DLG2: variants seen among roughly 807,000 people sequenced by gnomAD.
DLG2 encodes discs large MAGUK scaffold protein 2, also known as disks large homolog 2.
Under a neutral mutation model 132.5 loss-of-function variants are expected in DLG2, and 45 were observed. The observed-to-expected ratio is 0.34, with a 90% CI of 0.27 to 0.44. DLG2 has a LOEUF of 0.44. DLG2 is among the 20% of genes least tolerant of loss of function. DLG2 has a pLI of 1.00. For synonymous variants in DLG2, 424 were observed against 419.6 expected (o/e 1.01, Z -0.13); for missense variants, 1,045 against 1,196.9 (o/e 0.87, Z 1.87).
At chr11:85,505,056 T>C (rs1205606192) in intron 3 of DLG2, among the ~76,000 whole-genome samples, 4 of 151,740 alleles carry the variant, frequency 2.6e-5, no homozygotes, top group East Asian at 1.9e-4. Flanking sequence ...CTTGTGATTT[T>C]TGCACATTGA....
In DLG2 at chr11:84,736,009, A is replaced by T. The variant is rs1596904303; in HGVS notation, c.358-201278T>A. 2.0e-5 allele frequency among the ~76,000 whole-genome samples: 3 copies of T among 151,800 alleles called. No individual in the cohort carries two copies. In the East Asian group the frequency reaches 5.8e-4, roughly 29 times the overall value. ...AAGGTCACAAAGATGTTCTTCTCTT[A>T]TTTCTTCTAGAGGTTTTGTAGTTTT... is the stretch of plus-strand genomic sequence containing the variant. On this transcript the variant is annotated intron_variant, in intron 6 of 27. Coordinates refer to ENST00000376104, the MANE Select transcript of DLG2 (RefSeq NM_001142699.3).
chr11:84,730,093 T>C (rs990265149), intron 6 of DLG2, among the ~76,000 whole-genome samples: 3 of 152,038 alleles, frequency 2.0e-5, no homozygotes, highest in Admixed American at 6.6e-5. Context: ...ATATTCTTAG[T>C]GGCAAAATTC....
chr11:84,080,586 C>A lies in DLG2; in HGVS notation c.749+18337G>T, dbSNP rs537325137. Among the ~76,000 whole-genome samples the A allele has an allele frequency of 2.0e-5, 3 of 152,216 alleles. No individual in the cohort carries two copies. The East Asian group carries it at 5.8e-4, about 29-fold the overall frequency. ...ATGATGATGTATATTATTATGTATA[C>A]CTGGACTAATGACTATCAAATAGAT... is the stretch of plus-strand genomic sequence containing the variant. On this transcript the variant is annotated intron_variant, in intron 10 of 27. Coordinates refer to ENST00000376104, the MANE Select transcript of DLG2 (RefSeq NM_001142699.3).
chr11:84,566,169 G>A (rs2154526988), intron 6 of DLG2, among the ~76,000 whole-genome samples: 1 of 151,926 alleles, frequency 6.6e-6, no homozygotes, highest in South Asian at 2.1e-4. Flanking sequence ...CACCATGTTG[G>A]CCAGGCTGGT....
chr11:84,721,637 G>A (rs1179998018), intron 6 of DLG2, among the ~76,000 whole-genome samples: 1 of 152,186 alleles, frequency 6.6e-6, no homozygotes, highest in Non-Finnish European at 1.5e-5. Context: ...AAGGGTGTGG[G>A]GGTAGGAAGT....
chr11:84,678,041 T>A (rs1281408875), intron 6 of DLG2, among the ~76,000 whole-genome samples: 1 of 151,888 alleles, frequency 6.6e-6, no homozygotes, highest in Non-Finnish European at 1.5e-5. Flanking sequence ...AATTAATGAG[T>A]TTCAAAAGCT....
intron 5 of DLG2, among the ~76,000 whole-genome samples, chr11:85,124,631 C>T (rs1295521045): frequency 2.0e-5 from 3 of 152,162 alleles, no homozygotes; most frequent in African/African-American, 7.2e-5. Context: ...CACATATTCT[C>T]AGATTGCCTT....
At position 83,493,336 on chromosome 11, in the gene DLG2, T is replaced by TTTCCTTCCTTCCTTCC. The variant is rs201830272; in HGVS notation, c.2194-9124_2194-9109dup. On this transcript the variant is annotated intron_variant, in intron 21 of 27. Transcript: ENST00000376104. ...TTTGCCTTCCTTTGTCTTTTCTTTC[T>TTTCCTTCCTTCCTTCC]TTCCTTCCTTCCTTCCTTCCTTCCT... Among the ~76,000 whole-genome samples the TTTCCTTCCTTCCTTCC allele has an allele frequency of 6.8e-3, 903 of 132,106 alleles. 5 individuals are homozygous for TTTCCTTCCTTCCTTCC. The highest frequency in any genetic ancestry group is 0.011 in the Middle Eastern group (3 of 274). 86.7% of individuals were successfully genotyped at this position (132,106 alleles called of 152,430 possible).
chr11:85,611,432 G>A (rs904115505), intron 2 of DLG2, among the ~76,000 whole-genome samples: 2 of 152,196 alleles, frequency 1.3e-5, no homozygotes, highest in Non-Finnish European at 2.9e-5. Flanking sequence ...AGAGGATGGG[G>A]AACCAATCAG....
At chr11:83,646,621 G>C (rs1418270392) in intron 18 of DLG2, 1 of 152,228 alleles carries the variant, frequency 6.6e-6, no homozygotes, top group African/African-American at 2.4e-5. Context: ...ATCTTTTCTG[G>C]TTCCTTCGCT....
intron 16 of DLG2, among the ~76,000 whole-genome samples, chr11:83,847,118 A>C (rs2058784084): frequency 1.3e-5 from 2 of 152,130 alleles, no homozygotes; most frequent in Admixed American, 1.3e-4. Context: ...GTTTTTTGAT[A>C]ATTATAACAG....
chr11:83,549,853 A>G (rs1317854329), intron 19 of DLG2, among the ~76,000 whole-genome samples: 2 of 152,202 alleles, frequency 1.3e-5, no homozygotes, highest in Non-Finnish European at 2.9e-5. Flanking sequence ...TGGCTTCAAC[A>G]TAATTCACTA....
chr11:85,209,100 T>C (rs2082085523), intron 4 of DLG2, among the ~76,000 whole-genome samples: 1 of 152,116 alleles, frequency 6.6e-6, no homozygotes. Flanking sequence ...TGCCACTAAC[T>C]AGCTCTATGA....
chr11:85,526,619 G>C lies in DLG2; in HGVS notation c.40+72038C>G, dbSNP rs118034875. Among the ~76,000 whole-genome samples the C allele has an allele frequency of 7.5e-3, 1,137 of 152,272 alleles. 4 individuals are homozygous for C. The highest frequency in any genetic ancestry group is 0.021 in the South Asian group (99 of 4,826). ...AGCATTAGAACTGGTAACTACATGA[G>C]AATAATAGTTAATTTTATGTGTCAA... is the stretch of plus-strand genomic sequence containing the variant. On this transcript the variant is annotated intron_variant, in intron 3 of 27. Transcript: ENST00000376104.
chr11:84,477,354 G>C (rs1345844538), intron 7 of DLG2, among the ~76,000 whole-genome samples: 1 of 151,940 alleles, frequency 6.6e-6, no homozygotes, highest in Non-Finnish European at 1.5e-5. Context: ...AATTGGCCAG[G>C]CATGGTGGTA....
At chr11:83,753,268 C>T (rs567201362) in intron 18 of DLG2, among the ~76,000 whole-genome samples, 1 of 151,784 alleles carries the variant, frequency 6.6e-6, no homozygotes, top group Non-Finnish European at 1.5e-5. Flanking sequence ...ACTAAAAATA[C>T]CAAAATTAGC....
rs368403842 is a variant in DLG2 at position 83,812,431 on chromosome 11, T to A, written c.1722+21183A>T. ...ATGTGCCAGGGGCTGTGTCATGTCA[T>A]GTACTGAAATCAATAAAAATAAGAC... On this transcript the variant is annotated intron_variant, in intron 17 of 27. Transcript: ENST00000376104. 1.2e-3 allele frequency among the ~76,000 whole-genome samples: 177 copies of A among 152,246 alleles called. 2 individuals carry two copies. The highest frequency in any genetic ancestry group is 6.4e-3 in the South Asian group (31 of 4,828).
At chr11:83,950,009 C>G (rs960235411) in intron 14 of DLG2, among the ~76,000 whole-genome samples, 1 of 152,148 alleles carries the variant, frequency 6.6e-6, no homozygotes, top group African/African-American at 2.4e-5. Context: ...TCTATATGGA[C>G]TGTACATTTT....
chr11:83,802,832 T>C (rs2044828150), intron 17 of DLG2, among the ~76,000 whole-genome samples: 1 of 152,158 alleles, frequency 6.6e-6, no homozygotes, highest in Admixed American at 6.6e-5. Context: ...AGAGAATGCC[T>C]GCAAGGTTAC....
Sources: allele counts gnomAD v4.1 joint callset (sites outside exome capture counted in the v4.1 genomes callset), GRCh38; gene constraint gnomAD v4.1.1; transcripts MANE v1.5; gene names NCBI Gene and HGNC (gene_info 2026-07-23, HGNC 2026-07-21).